Variants in C19orf12 observed in about 807,000 individuals in gnomAD.
C19orf12 encodes the protein chromosome 19 open reading frame 12.
In C19orf12, 2 loss-of-function variants were observed where a neutral mutation model predicts 3.8. The observed-to-expected ratio is 0.53, with a 90% CI of 0.22 to 1.66. The LOEUF (loss-of-function observed/expected upper bound fraction) is 1.66, where lower values mean the gene tolerates loss of function less well. Among genes scored for constraint, C19orf12 ranks in the 40% most tolerant of loss-of-function variants. C19orf12 has a pLI of 0.20. For missense variants in C19orf12, 156 were observed against 188.8 expected (o/e 0.83, Z 1.02); for synonymous variants, 89 against 84.6 (o/e 1.05, Z -0.28).
chr19:29,701,553 G>A lies in C19orf12; in HGVS notation c.*1159C>T, dbSNP rs150649006. ...TCCAAGGCTGGTTGGATCTAAATGT[G>A]GAGACCACAGTTACGGAGAGCTGAC... is the stretch of plus-strand genomic sequence containing the variant. On this transcript the variant is annotated 3_prime_UTR_variant, in exon 3 of 3. Transcript: ENST00000323670. The A allele has an allele frequency of 3.5e-5, 16 of 454,060 alleles. No individual in the cohort carries two copies. In the East Asian group the frequency reaches 1.0e-3, roughly 30 times the overall value. 28.1% of individuals were successfully genotyped at this position (454,060 alleles called of 1,614,324 possible).
chr19:29,704,696 C>T (rs1295688167), intron 2 of C19orf12, among the ~76,000 whole-genome samples: 1 of 152,172 alleles, frequency 6.6e-6, no homozygotes, highest in East Asian at 1.9e-4. Context: ...AGTCAAGTGC[C>T]TCCAAGAGCC....
At chr19:29,713,203 G>A (rs1972774018) in intron 1 of C19orf12, among the ~76,000 whole-genome samples, 2 of 152,150 alleles carry the variant, frequency 1.3e-5, no homozygotes, top group South Asian at 2.1e-4. Context: ...TGACAGGGAA[G>A]TGGGTGAGGA....
rs1354873553 is a variant in C19orf12, at chr19:29,700,366, G to T, written c.*2346C>A. The stretch of plus-strand genomic sequence containing the variant: ...TTGAAGCACTGAACCAAACATCTTT[G>T]TTGAGGTTTCATTCTCACGATATCT... On this transcript the variant is annotated 3_prime_UTR_variant, in exon 3 of 3. Transcript: ENST00000323670. The T allele has an allele frequency of 1.8e-5, 8 of 454,022 alleles. No homozygotes were observed. Among genetic ancestry groups the T allele is most frequent in the Non-Finnish European group, 2.6e-5 (6 of 226,796 alleles). The allele number at this position is 454,022 out of a possible 1,614,324, so 28.1% of individuals were successfully genotyped here.
At chr19:29,715,590 G>A (rs774484721), upstream of C19orf12, 13 of 212,692 alleles carry the variant, frequency 6.1e-5, no homozygotes, top group East Asian at 1.9e-4. Flanking sequence ...GGGACCTCCC[G>A]GAGACCTCCC....
intron 2 of C19orf12, among the ~76,000 whole-genome samples, chr19:29,703,900 G>C (rs1568328398): frequency 6.6e-6 from 1 of 152,070 alleles, no homozygotes; most frequent in Non-Finnish European, 1.5e-5. Context: ...TGAGGCAGGA[G>C]AATCACTTGA....
Position 29,702,787 on chromosome 19 carries a change from C to T in C19orf12, c.351G>A (p.Leu117=). The T allele has an allele frequency of 6.2e-7, 1 of 1,613,888 alleles. No homozygotes were observed. Among genetic ancestry groups the T allele is most frequent in the East Asian group, 2.2e-5 (1 of 44,858 alleles). The change falls in exon 3 of 3, where the codon CTG becomes CTA. Residue 117 remains leucine (L), a synonymous_variant. Coordinates refer to ENST00000323670, the MANE Select transcript of C19orf12 (RefSeq NM_031448.6). The part of the protein sequence containing the change: ...LTALVMGSEA[L]QQQLLAMLVN... ...CCAGCATGGCCAGCAGCTGCTGCTG[C>T]AGGGCCTCGCTGCCCATGACCAGCG...
At position 29,700,724 on chromosome 19, in the gene C19orf12, C is replaced by T. The variant is rs889361474; in HGVS notation, c.*1988G>A. Reference sequence around the variant, plus strand: ...TAGACGAGGCCAGCAGAAGAGCAATCGCTCTGCAAGAGAAAGGCTCGGCCC... The same window carrying T: ...TAGACGAGGCCAGCAGAAGAGCAATTGCTCTGCAAGAGAAAGGCTCGGCCC... On this transcript the variant is annotated 3_prime_UTR_variant, in exon 3 of 3. Coordinates refer to ENST00000323670, the MANE Select transcript of C19orf12 (RefSeq NM_031448.6). 2 of 454,142 alleles carry T rather than the reference C, an allele frequency of 4.4e-6. No homozygotes were observed. The highest frequency in any genetic ancestry group is 1.6e-5 in the South Asian group (1 of 64,478). 28.1% of individuals were successfully genotyped at this position (454,142 alleles called of 1,614,324 possible). A position where few individuals can be genotyped will look rare whatever the true frequency, so the allele number is the denominator to read the frequency against.
In C19orf12 at chr19:29,714,263, G is replaced by C. The variant is rs79681294; in HGVS notation, c.-11+862C>G. ...TAATCCCAGCATTGCAGAAGGCTGAGGCAGGTGGATCGCAAGGTCAGGAGT... is the reference window on the plus strand; with the variant it reads ...TAATCCCAGCATTGCAGAAGGCTGACGCAGGTGGATCGCAAGGTCAGGAGT... On this transcript the variant is annotated intron_variant, in intron 1 of 2. Coordinates refer to ENST00000323670, the MANE Select transcript of C19orf12 (RefSeq NM_031448.6). Among the ~76,000 whole-genome samples the C allele has an allele frequency of 8.6e-4, 131 of 152,250 alleles. No individual in the cohort carries two copies. In the East Asian group the frequency reaches 0.024, roughly 28 times the overall value.
In C19orf12 at chr19:29,700,771, T is replaced by A. The variant is rs763038839; in HGVS notation, c.*1941A>T. 8.8e-6 allele frequency: 4 copies of A among 454,128 alleles called. No homozygotes were observed. Among genetic ancestry groups the A allele is most frequent in the Non-Finnish European group, 1.8e-5 (4 of 226,806 alleles). 28.1% of individuals were successfully genotyped at this position (454,128 alleles called of 1,614,324 possible). A position where few individuals can be genotyped will look rare whatever the true frequency, so the allele number is the denominator to read the frequency against. ...GCCCTTCCTTAATCACCATGGGTTA[T>A]AATTCACCCTGACGTCCTTACACAC... On this transcript the variant is annotated 3_prime_UTR_variant, in exon 3 of 3. Coordinates refer to ENST00000323670, the MANE Select transcript of C19orf12 (RefSeq NM_031448.6).
In C19orf12 at chr19:29,701,896, T is replaced by C. The variant is rs909352831; in HGVS notation, c.*816A>G. On this transcript the variant is annotated 3_prime_UTR_variant, in exon 3 of 3. Coordinates refer to ENST00000323670, the MANE Select transcript of C19orf12 (RefSeq NM_031448.6). ...CAATATGCAGTAAACATGACTTAGA[T>C]GCACTGGGAAACTAAAACAATGCGC... is the stretch of plus-strand genomic sequence containing the variant. 2 of 454,032 alleles carry C rather than the reference T, an allele frequency of 4.4e-6. No individual in the cohort carries two copies. The highest frequency in any genetic ancestry group is 4.0e-5 in the African/African-American group (2 of 50,024). 28.1% of individuals were successfully genotyped at this position (454,032 alleles called of 1,614,324 possible). A position where few individuals can be genotyped will look rare whatever the true frequency, so the allele number is the denominator to read the frequency against.
rs1304098598 is a variant in C19orf12 at position 29,701,496 on chromosome 19, C to T, written c.*1216G>A. 1.1e-5 allele frequency: 5 copies of T among 453,966 alleles called. No homozygotes were observed. Among genetic ancestry groups the T allele is most frequent in the Non-Finnish European group, 1.8e-5 (4 of 226,792 alleles). 28.1% of individuals were successfully genotyped at this position (453,966 alleles called of 1,614,324 possible). A position where few individuals can be genotyped will look rare whatever the true frequency, so the allele number is the denominator to read the frequency against. On this transcript the variant is annotated 3_prime_UTR_variant, in exon 3 of 3. Coordinates refer to ENST00000323670, the MANE Select transcript of C19orf12 (RefSeq NM_031448.6). ...AAAAAAGGTCTGTACGTGTTCAGTACCAATGCAATTTCTTTTTTCAAATAT... is the reference window on the plus strand; with the variant it reads ...AAAAAAGGTCTGTACGTGTTCAGTATCAATGCAATTTCTTTTTTCAAATAT...
At position 29,701,150 on chromosome 19, in the gene C19orf12, G is replaced by A. The variant is rs772213864; in HGVS notation, c.*1562C>T. ...ATTAGAGATATTTTACACATAATAT[G>A]TGGGAAAATGGCTTTTTAGAAAAAC... On this transcript the variant is annotated 3_prime_UTR_variant, in exon 3 of 3. Transcript: ENST00000323670. 1.0e-4 allele frequency: 46 copies of A among 454,036 alleles called. No individual in the cohort carries two copies. Among genetic ancestry groups the A allele is most frequent in the Middle Eastern group, 6.8e-4 (1 of 1,466 alleles). The allele number at this position is 454,036 out of a possible 1,614,324, so 28.1% of individuals were successfully genotyped here.
chr19:29,699,786 G>T lies in C19orf12; in HGVS notation c.*2926C>A. On this transcript the variant is annotated 3_prime_UTR_variant, in exon 3 of 3. Coordinates refer to ENST00000323670, the MANE Select transcript of C19orf12 (RefSeq NM_031448.6). The stretch of plus-strand genomic sequence containing the variant: ...CTTCCCTTGCAGCTTGCGCCCTCCC[G>T]TACCTTTTAAATTTTGTACCAGGCA... The T allele has an allele frequency of 2.2e-6, 1 of 451,942 alleles. No individual in the cohort carries two copies. Among genetic ancestry groups the T allele is most frequent in the South Asian group, 1.6e-5 (1 of 63,630 alleles). 28.0% of individuals were successfully genotyped at this position (451,942 alleles called of 1,614,324 possible).
chr19:29,713,960 TTCC>T (rs1972817831), intron 1 of C19orf12, among the ~76,000 whole-genome samples: 8 of 146,580 alleles, frequency 5.5e-5, no homozygotes, highest in African/African-American at 1.6e-4. Flanking sequence ...CTTTCTTTCC[TTCC>T]TTCCTTCCTT....
In C19orf12 at chr19:29,708,484, GC is replaced by G. The variant is rs1972498891; in HGVS notation, c.-10-62del. On this transcript the variant is annotated intron_variant, in intron 1 of 2. Transcript: ENST00000323670. ...AGCATAAGAGTATTTCCATCACAAT[GC>G]CACTCTAGTTCCTAGAGTTTTAAGG... The G allele has an allele frequency of 1.9e-6, 3 of 1,592,536 alleles. No homozygotes were observed. The African/African-American group carries it at 4.0e-5, about 21-fold the overall frequency.
rs1371521513 is a variant in C19orf12, at chr19:29,702,028, A to G, written c.*684T>C. On this transcript the variant is annotated 3_prime_UTR_variant, in exon 3 of 3. Transcript: ENST00000323670. ...TTTACTAAAAATATTTCATTTGAGA[A>G]GTAAACCTCAAGAACTACCAGGACT... 2 of 453,118 alleles carry G rather than the reference A, an allele frequency of 4.4e-6. No homozygotes were observed. Among genetic ancestry groups the G allele is most frequent in the Admixed American group, 2.4e-5 (1 of 42,536 alleles). The allele number at this position is 453,118 out of a possible 1,614,324, so 28.1% of individuals were successfully genotyped here. A position where few individuals can be genotyped will look rare whatever the true frequency, so the allele number is the denominator to read the frequency against.
intron 2 of C19orf12, among the ~76,000 whole-genome samples, chr19:29,707,499 C>T (rs1474530372): frequency 1.3e-5 from 2 of 152,212 alleles, no homozygotes; most frequent in East Asian, 1.9e-4. Flanking sequence ...ACCATATGTG[C>T]TGAGAAGGTG....
chr19:29,710,088 T>G (rs1972594517), intron 1 of C19orf12, among the ~76,000 whole-genome samples: 1 of 152,202 alleles, frequency 6.6e-6, no homozygotes, highest in South Asian at 2.1e-4. Flanking sequence ...CAGCCTGGTC[T>G]TGACTTCCTG....
intron 2 of C19orf12, among the ~76,000 whole-genome samples, chr19:29,704,599 C>T (rs1210978264): frequency 6.6e-6 from 1 of 152,200 alleles, no homozygotes; most frequent in Non-Finnish European, 1.5e-5. Context: ...ACTTAAAGAC[C>T]TTGTATCCAC....
Sources: allele counts gnomAD v4.1 joint callset (sites outside exome capture counted in the v4.1 genomes callset), GRCh38; gene constraint gnomAD v4.1.1; transcripts MANE v1.5; gene names NCBI Gene and HGNC (gene_info 2026-07-23, HGNC 2026-07-21).